PFKL: variants seen among roughly 807,000 people sequenced by gnomAD.
The protein encoded by PFKL is phosphofructokinase, liver type.
Under a neutral mutation model 92.1 loss-of-function variants are expected in PFKL, and 74 were observed. That is an observed-to-expected ratio of 0.80 (90% CI 0.67 to 0.97). PFKL has a LOEUF of 0.97. PFKL is among the 50% of genes least tolerant of loss of function. The pLI is 0.00. For missense variants in PFKL, 1,028 were observed against 1,116.6 expected (o/e 0.92, Z 1.13); for synonymous variants, 494 against 456.4 (o/e 1.08, Z -1.05).
At chr21:44,303,524 T>G (rs1245712525) in intron 1 of PFKL, among the ~76,000 whole-genome samples, 1 of 151,786 alleles carries the variant, frequency 6.6e-6, no homozygotes, top group Non-Finnish European at 1.5e-5. Flanking sequence ...CTGGGCCCTT[T>G]GTCTAGTGCC....
At position 44,316,321 on chromosome 21, in the gene PFKL, G is replaced by T. The variant is rs139444808; in HGVS notation, c.825G>T (p.Ser275=). ...TTGACCGCAACGGGAAGCCCATCTCGTCCAGCTACGTGAAGGACGTGCGTG... is the reference window on the plus strand; with the variant it reads ...TTGACCGCAACGGGAAGCCCATCTCTTCCAGCTACGTGAAGGACGTGCGTG... The part of the protein sequence containing the change: ...GAIDRNGKPI[S]SSYVKDLVVQ... The change falls in exon 8 of 22, where the codon TCG becomes TCT. Residue 275 remains serine, a synonymous_variant. Coordinates refer to ENST00000349048, the MANE Select transcript of PFKL (RefSeq NM_002626.6). The T allele has an allele frequency of 5.0e-6, 8 of 1,613,158 alleles. No individual in the cohort carries two copies. The highest frequency in any genetic ancestry group is 6.8e-6 in the Non-Finnish European group (8 of 1,179,972).
In PFKL at chr21:44,323,899, C is replaced by T; in HGVS notation, c.1631C>T (p.Ala544Val). 6.2e-7 allele frequency: 1 copy of T among 1,613,508 alleles called. No individual in the cohort carries two copies. The highest frequency in any genetic ancestry group is 2.2e-5 in the East Asian group (1 of 44,880). Residue 544 changes from alanine to valine, a missense_variant, in exon 16 of 22, where the codon GCT (alanine) becomes GTT (valine). Coordinates refer to ENST00000349048, the MANE Select transcript of PFKL (RefSeq NM_002626.6). ...GACTTCAGCCTGGGCTCCGACACTG[C>T]TGTAAATGCCGCCATGGAGGTACGG... is the stretch of plus-strand genomic sequence containing the variant. Reference protein sequence around the residue: ...GTDFSLGSDTAVNAAMESCDR... With the variant: ...GTDFSLGSDTVVNAAMESCDR...
At chr21:44,318,434 C>A (rs373365606) in intron 9 of PFKL, 36 bp from the exon 10 acceptor site, 41 of 1,458,814 alleles carry the variant, frequency 2.8e-5, no homozygotes, top group African/African-American at 2.7e-4. Context: ...GGTAGAGGGA[C>A]CAAGTGGGTG....
intron 10 of PFKL, 72 bp from the exon 11 acceptor site, chr21:44,319,278 AC>A: frequency 5.2e-6 from 7 of 1,337,610 alleles, no homozygotes; most frequent in Non-Finnish European, 7.5e-6. Context: ...CGTCAGGCCC[AC>A]CAGACAGGGC....
chr21:44,303,246 G>GA lies in PFKL; in HGVS notation c.85+3062dup, dbSNP rs1027542684. Among the ~76,000 whole-genome samples, 9 of 138,888 alleles carry GA rather than the reference G, an allele frequency of 6.5e-5. 1 individual carries two copies. Among genetic ancestry groups the GA allele is most frequent in the South Asian group, 4.5e-4 (2 of 4,396 alleles). The allele number at this position is 138,888 out of a possible 152,430, so 91.1% of individuals were successfully genotyped here. On this transcript the variant is annotated intron_variant, in intron 1 of 21. Transcript: ENST00000349048. ...AGACTCTGTTGCAAAAAACAAACAA[G>GA]AAAAAACCCCAAAAATCAGCCAGGC...
intron 15 of PFKL, 71 bp from the exon 16 acceptor site, chr21:44,323,695 C>T (rs112572963): frequency 7.6e-5 from 115 of 1,511,072 alleles, no homozygotes; most frequent in South Asian, 4.9e-4. Context: ...GGGCGGCCGC[C>T]GGCAGAGCCT....
rs754247519 is a variant in PFKL, at chr21:44,312,232, TC to T, written c.366del (p.Thr123GlnfsTer34). 6.2e-7 allele frequency: 1 copy of T among 1,600,302 alleles called. No individual in the cohort carries two copies. Among genetic ancestry groups the T allele is most frequent in the South Asian group, 1.1e-5 (1 of 89,104 alleles). On this transcript the variant is annotated frameshift_variant, in exon 4 of 22. Transcript: ENST00000349048. LOFTEE classifies it high-confidence loss of function. ...NLCVIGGDGS[L>X]TGANIFRSEW... ...TGCGTCATCGGCGGGGATGGCAGCC[TC>T]ACAGGTGCCAACATCTTCCGCAGCG...
chr21:44,326,908 G>T lies in PFKL; in HGVS notation c.*46G>T, dbSNP rs750281584. ...CTCCCCAGCCCCCACCCATGCCAGC[G>T]CAGCGCCAGGGCTCAGATGGGGCCT... On this transcript the variant is annotated 3_prime_UTR_variant, in exon 22 of 22. Coordinates refer to ENST00000349048, the MANE Select transcript of PFKL (RefSeq NM_002626.6). 1.3e-6 allele frequency: 2 copies of T among 1,537,942 alleles called. No homozygotes were observed. The highest frequency in any genetic ancestry group is 1.8e-5 in the Admixed American group (1 of 54,508).
At chr21:44,316,655 T>A (rs2047215578) in intron 9 of PFKL, 131 bp downstream of exon 9, 1 of 680,568 alleles carries the variant, frequency 1.5e-6, no homozygotes. Context: ...TGTCCGTGTC[T>A]GTGTGTGGGG....
At position 44,322,194 on chromosome 21, in the gene PFKL, G is replaced by A; in HGVS notation, c.1400G>A (p.Gly467Glu). ...GWLGRGGSML[G>E]TKRTLPKGQL... Reference sequence around the variant, plus strand: ...TTGGGGCGTGGTGGCTCCATGCTGGGGACCAAGAGGTGAGCTGCCTGCTGC... The same window carrying A: ...TTGGGGCGTGGTGGCTCCATGCTGGAGACCAAGAGGTGAGCTGCCTGCTGC... Residue 467 changes from glycine (G) to glutamate (E), a missense_variant, in exon 14 of 22, where the codon GGG becomes GAG. Physicochemically the swap from Gly to Glu is moderately conservative, Grantham distance 98 (BLOSUM62 -2). Transcript: ENST00000349048. The A allele has an allele frequency of 6.2e-7, 1 of 1,602,168 alleles. No homozygotes were observed. The highest frequency in any genetic ancestry group is 8.5e-7 in the Non-Finnish European group (1 of 1,177,848).
intron 4 of PFKL, among the ~76,000 whole-genome samples, chr21:44,312,558 G>A (rs1039229962): frequency 5.9e-5 from 9 of 152,198 alleles, no homozygotes; most frequent in African/African-American, 1.4e-4. Context: ...CTCACCCTAC[G>A]CTGCGTAGAC....
At position 44,305,972 on chromosome 21, in the gene PFKL, G is replaced by T. The variant is rs558698673; in HGVS notation, c.86-709G>T. On this transcript the variant is annotated intron_variant, in intron 1 of 21. Transcript: ENST00000349048. ...TGAGGCCCTGGGGCAGGGCAGTGCT[G>T]TTCCCTGGGTGGCTGAGGCCGGAGG... is the stretch of plus-strand genomic sequence containing the variant. The T allele has an allele frequency of 2.7e-5, 35 of 1,283,214 alleles. No individual in the cohort carries two copies. In the South Asian group the frequency reaches 3.5e-4, roughly 13 times the overall value. 79.5% of individuals were successfully genotyped at this position (1,283,214 alleles called of 1,614,324 possible).
intron 13 of PFKL, 126 bp from the exon 14 acceptor site, chr21:44,322,007 C>CT: frequency 1.4e-6 from 2 of 1,437,140 alleles, no homozygotes; most frequent in Non-Finnish European, 1.9e-6. Context: ...CCACCCGGGC[C>CT]TGGGTACTCA....
chr21:44,319,210 C>T, intron 10 of PFKL, 141 bp from the exon 11 acceptor site: 1 of 701,566 alleles, frequency 1.4e-6, no homozygotes, highest in Middle Eastern at 2.7e-4. Context: ...ACCGCTGTTC[C>T]TAGGGAGAGG....
rs2047397122 is a variant in PFKL at position 44,322,982 on chromosome 21, T to C, written c.1430T>C (p.Leu477Pro). ...GTKRTLPKGQ[L>P]ESIVENIRIY... ...TGCAGGACCCTGCCCAAGGGCCAGC[T>C]GGAGTCCATTGTGGAGAACATCCGC... The change falls in exon 15 of 22, where the codon CTG (leucine) becomes CCG (proline). Residue 477 changes from leucine (L) to proline (P), a missense_variant. Coordinates refer to ENST00000349048, the MANE Select transcript of PFKL (RefSeq NM_002626.6). The C allele has an allele frequency of 1.2e-6, 2 of 1,612,272 alleles. No homozygotes were observed.
intron 1 of PFKL, among the ~76,000 whole-genome samples, chr21:44,301,353 A>C (rs573045700): frequency 3.2e-4 from 49 of 152,296 alleles, no homozygotes; most frequent in African/African-American, 9.9e-4. Flanking sequence ...GTTGCCGGCT[A>C]CTGGCAGTGT....
intron 3 of PFKL, among the ~76,000 whole-genome samples, 173 bp downstream of exon 3, chr21:44,311,256 A>ATGCG (rs1188255736): frequency 2.6e-5 from 4 of 151,880 alleles, no homozygotes; most frequent in Non-Finnish European, 5.9e-5. Flanking sequence ...ACACACACAG[A>ATGCG]TGCGTGCACA....
chr21:44,300,886 C>T (rs1215721090), intron 1 of PFKL, among the ~76,000 whole-genome samples: 1 of 152,216 alleles, frequency 6.6e-6, no homozygotes, highest in Non-Finnish European at 1.5e-5. Flanking sequence ...TGGTCCTGCC[C>T]ACTGCCGGCC....
chr21:44,316,895 C>T (rs1159815979), intron 9 of PFKL, among the ~76,000 whole-genome samples: 2 of 152,216 alleles, frequency 1.3e-5, no homozygotes, highest in Non-Finnish European at 2.9e-5. Context: ...CCTGTGCCTC[C>T]TGGCTGTTCT....
Sources: allele counts gnomAD v4.1 joint callset (sites outside exome capture counted in the v4.1 genomes callset), GRCh38; gene constraint gnomAD v4.1.1; transcripts MANE v1.5; gene names NCBI Gene and HGNC (gene_info 2026-07-23, HGNC 2026-07-21).